The following SYN3 variants were observed in gnomAD, a reference collection of about 807,000 sequenced individuals.
The protein encoded by SYN3 is synapsin III.
SYN3 carries 35 observed loss-of-function variants against 65.8 expected under a neutral mutation model. The observed-to-expected ratio is 0.53, with a 90% CI of 0.41 to 0.70. The LOEUF (loss-of-function observed/expected upper bound fraction) is 0.70. SYN3 is among the 30% of genes least tolerant of loss of function. The probability of loss-of-function intolerance (pLI) is 0.00; values close to 1 mark genes in which losing one functional copy is unlikely to be tolerated. For missense variants in SYN3, 680 were observed against 749.0 expected (o/e 0.91, Z 1.08); for synonymous variants, 270 against 292.9 (o/e 0.92, Z 0.80).
At chr22:32,777,301 T>C (rs746763741) in intron 6 of SYN3, among the ~76,000 whole-genome samples, 1 of 152,180 alleles carries the variant, frequency 6.6e-6, no homozygotes, top group Non-Finnish European at 1.5e-5. Flanking sequence ...AGAAATTCTT[T>C]CTGGTTGGGA....
intron 1 of SYN3, among the ~76,000 whole-genome samples, chr22:33,041,625 C>T (rs1191100210): frequency 1.3e-5 from 2 of 152,104 alleles, no homozygotes; most frequent in Non-Finnish European, 2.9e-5. Context: ...CTAACCTGTG[C>T]CAGCTTCATC....
At chr22:32,658,131 C>T (rs1382925319) in intron 6 of SYN3, among the ~76,000 whole-genome samples, 1 of 152,178 alleles carries the variant, frequency 6.6e-6, no homozygotes, top group Non-Finnish European at 1.5e-5. Context: ...GGGAGGAGAC[C>T]TCTCCATTCT....
At chr22:32,949,637 G>A (rs555316822) in intron 3 of SYN3, among the ~76,000 whole-genome samples, 1 of 152,206 alleles carries the variant, frequency 6.6e-6, no homozygotes, top group East Asian at 1.9e-4. Flanking sequence ...CACCGGCACT[G>A]GCACCTGACA....
intron 1 of SYN3, among the ~76,000 whole-genome samples, chr22:33,046,841 T>TAAAAA (rs71187229): frequency 9.7e-5 from 9 of 92,764 alleles, no homozygotes; most frequent in African/African-American, 1.2e-4. Flanking sequence ...AGTCTCTGTT[T>TAAAAA]AAAAAAAAAA....
chr22:32,791,356 T>C (rs10483165), intron 6 of SYN3, among the ~76,000 whole-genome samples: 12,969 of 152,166 alleles, frequency 0.085, 688 homozygotes, highest in Admixed American at 0.15. Context: ...ATGTTCTGAT[T>C]CTAACTTCGG....
chr22:32,800,927 G>A (rs1265754505), intron 6 of SYN3, among the ~76,000 whole-genome samples: 1 of 152,160 alleles, frequency 6.6e-6, no homozygotes, highest in East Asian at 1.9e-4. Context: ...CCCCAGTCAT[G>A]TCCAACCCAG....
rs536227696 is a variant in SYN3 at position 32,727,050 on chromosome 22, G to A, written c.712-130314C>T. Reference sequence around the variant, plus strand: ...GATATGCAGCTTCCTTACATACGTGGCCATGGTGGTTTGCTGCATGGATCA... The same window carrying A: ...GATATGCAGCTTCCTTACATACGTGACCATGGTGGTTTGCTGCATGGATCA... On this transcript the variant is annotated intron_variant, in intron 6 of 13. Coordinates refer to ENST00000358763, the MANE Select transcript of SYN3 (RefSeq NM_003490.4). Among the ~76,000 whole-genome samples, 10 of 151,850 alleles carry A rather than the reference G, an allele frequency of 6.6e-5. No homozygotes were observed. In the South Asian group the frequency reaches 1.0e-3, roughly 16 times the overall value.
At chr22:32,634,483 C>T (rs963533460) in intron 6 of SYN3, among the ~76,000 whole-genome samples, 2 of 152,152 alleles carry the variant, frequency 1.3e-5, no homozygotes, top group Admixed American at 6.6e-5. Context: ...TGACGGCATC[C>T]GTGAAAAGGA....
At chr22:33,009,530 T>C (rs1262365117) in intron 1 of SYN3, among the ~76,000 whole-genome samples, 1 of 152,162 alleles carries the variant, frequency 6.6e-6, no homozygotes, top group Non-Finnish European at 1.5e-5. Context: ...CTTTCTCAGA[T>C]ACGTACATTG....
intron 6 of SYN3, among the ~76,000 whole-genome samples, chr22:32,707,638 C>T (rs1333122517): frequency 2.0e-5 from 3 of 152,042 alleles, no homozygotes; most frequent in Non-Finnish European, 2.9e-5. Flanking sequence ...TCTGGGAGGC[C>T]CAAATGAGAT....
At chr22:32,765,035 T>G (rs1197794888) in intron 6 of SYN3, among the ~76,000 whole-genome samples, 1 of 105,924 alleles carries the variant, frequency 9.4e-6, no homozygotes, top group Non-Finnish European at 1.9e-5. Flanking sequence ...CCCACCCCAC[T>G]GTCCAGTTTC....
At chr22:32,812,361 A>C (rs1187752563) in intron 6 of SYN3, among the ~76,000 whole-genome samples, 1 of 152,204 alleles carries the variant, frequency 6.6e-6, no homozygotes, top group African/African-American at 2.4e-5. Flanking sequence ...TAGTGAGCTG[A>C]GATACTTTAT....
chr22:32,810,917 G>A (rs2046899475), intron 6 of SYN3, among the ~76,000 whole-genome samples: 1 of 152,158 alleles, frequency 6.6e-6, no homozygotes. Flanking sequence ...TAGCTCTAGT[G>A]AGCTCTGCTA....
At position 32,648,686 on chromosome 22, in the gene SYN3, T is replaced by C. The variant is rs147919993; in HGVS notation, c.712-51950A>G. Among the ~76,000 whole-genome samples the C allele has an allele frequency of 2.8e-3, 419 of 152,314 alleles. 2 individuals carry two copies. The highest frequency in any genetic ancestry group is 9.4e-3 in the African/African-American group (389 of 41,570). ...TTAACCTCTCAAAGCCTCAGTTTCATTAGCTGTAAAATGGGAACGTACTAC... is the reference window on the plus strand; with the variant it reads ...TTAACCTCTCAAAGCCTCAGTTTCACTAGCTGTAAAATGGGAACGTACTAC... On this transcript the variant is annotated intron_variant, in intron 6 of 13. Coordinates refer to ENST00000358763, the MANE Select transcript of SYN3 (RefSeq NM_003490.4).
Position 32,690,331 on chromosome 22 carries a change from A to T in SYN3, c.712-93595T>A, listed in dbSNP as rs1025434923. Among the ~76,000 whole-genome samples, 1,185 of 152,282 alleles carry T rather than the reference A, an allele frequency of 7.8e-3. 55 individuals are homozygous for T. The highest frequency in any genetic ancestry group is 0.073 in the Admixed American group (1,116 of 15,288). On this transcript the variant is annotated intron_variant, in intron 6 of 13. Transcript: ENST00000358763. ...ACTTCCCAGCCTCCAGAATGATGAG[A>T]AATACATTTGTTGTTTCAGCCTCCC...
At chr22:32,999,834 G>A (rs923877966) in intron 2 of SYN3, among the ~76,000 whole-genome samples, 5 of 152,188 alleles carry the variant, frequency 3.3e-5, no homozygotes, top group Non-Finnish European at 5.9e-5. Flanking sequence ...AAAACGAGAT[G>A]CATGGGGAGG....
chr22:32,981,751 G>A (rs571823861), intron 2 of SYN3, among the ~76,000 whole-genome samples: 6 of 152,040 alleles, frequency 3.9e-5, no homozygotes, highest in African/African-American at 7.2e-5. Context: ...ACACCAATAC[G>A]TACCCCATAA....
At chr22:32,574,727 C>T (rs1212023658) in intron 7 of SYN3, among the ~76,000 whole-genome samples, 3 of 152,182 alleles carry the variant, frequency 2.0e-5, no homozygotes, top group African/African-American at 7.2e-5. Context: ...GCAGCCAGTC[C>T]CATAGCTAGG....
chr22:32,818,234 C>T (rs1398007303), intron 6 of SYN3, among the ~76,000 whole-genome samples: 1 of 152,198 alleles, frequency 6.6e-6, no homozygotes, highest in East Asian at 1.9e-4. Flanking sequence ...CAGTAGTCTA[C>T]AGGATTTGAC....
Sources: allele counts gnomAD v4.1 joint callset (sites outside exome capture counted in the v4.1 genomes callset), GRCh38; gene constraint gnomAD v4.1.1; transcripts MANE v1.5; gene names NCBI Gene and HGNC (gene_info 2026-07-23, HGNC 2026-07-21).